The following TBC1D5 variants were observed in gnomAD, a reference collection of about 807,000 sequenced individuals.
TBC1D5 encodes TBC1 domain family member 5.
TBC1D5 carries 75 observed loss-of-function variants against 100.3 expected under a neutral mutation model. The ratio of observed to expected loss-of-function variants is 0.75; its 90% CI spans 0.62 to 0.91. The LOEUF (loss-of-function observed/expected upper bound fraction) is 0.91. Ranked by LOEUF, TBC1D5 falls within the 40% of genes least tolerant of loss-of-function variation. The probability of loss-of-function intolerance (pLI) is 0.00; values close to 1 mark genes in which losing one functional copy is unlikely to be tolerated. For missense variants in TBC1D5, 910 were observed against 942.4 expected (o/e 0.97, Z 0.45); for synonymous variants, 323 against 325.6 (o/e 0.99, Z 0.09).
chr3:17,485,706 GTA>G (rs1384844921), intron 3 of TBC1D5, among the ~76,000 whole-genome samples: 35 of 152,092 alleles, frequency 2.3e-4, no homozygotes, highest in Non-Finnish European at 4.6e-4. Context: ...ATTCCATGAT[GTA>G]TATGTGCCAC....
chr3:17,238,045 TA>T, intron 17 of TBC1D5, 117 bp downstream of exon 17: 5 of 1,403,784 alleles, frequency 3.6e-6, no homozygotes, highest in Non-Finnish European at 3.8e-6. Context: ...ATAACATATT[TA>T]AAAAGTAAGT....
intron 18 of TBC1D5, among the ~76,000 whole-genome samples, chr3:17,199,061 C>T (rs769167074): frequency 3.3e-5 from 5 of 152,146 alleles, no homozygotes; most frequent in Non-Finnish European, 5.9e-5. Context: ...CGCAAGGTTC[C>T]GCATTTAAAC....
At chr3:17,593,357 A>G (rs1430983208) in intron 2 of TBC1D5, among the ~76,000 whole-genome samples, 1 of 152,158 alleles carries the variant, frequency 6.6e-6, no homozygotes, top group Non-Finnish European at 1.5e-5. Flanking sequence ...ACACGGGCTC[A>G]ATAACATGGA....
intron 2 of TBC1D5, chr3:17,586,458 A>C (rs147327449): frequency 6.6e-6 from 1 of 152,142 alleles, no homozygotes; most frequent in Non-Finnish European, 1.5e-5. Context: ...GAGTTCTCCA[A>C]ACACAAGTCT....
intron 1 of TBC1D5, among the ~76,000 whole-genome samples, chr3:17,702,685 C>A (rs2073379102): frequency 6.6e-6 from 1 of 152,172 alleles, no homozygotes; most frequent in Non-Finnish European, 1.5e-5. Flanking sequence ...TCATTGTCAT[C>A]AATATGAACG....
At chr3:17,691,194 G>A (rs980683861) in intron 1 of TBC1D5, among the ~76,000 whole-genome samples, 1 of 152,144 alleles carries the variant, frequency 6.6e-6, no homozygotes, top group Non-Finnish European at 1.5e-5. Flanking sequence ...ACATCCTCAT[G>A]TTAACAGCAA....
intron 3 of TBC1D5, among the ~76,000 whole-genome samples, chr3:17,445,762 G>C (rs546884401): frequency 2.0e-5 from 3 of 152,088 alleles, no homozygotes; most frequent in African/African-American, 7.2e-5. Flanking sequence ...AGGTATGTAC[G>C]TATAGCAAAA....
intron 3 of TBC1D5, among the ~76,000 whole-genome samples, chr3:17,458,949 T>A (rs759513190): frequency 3.3e-5 from 5 of 152,208 alleles, no homozygotes; most frequent in Non-Finnish European, 7.3e-5. Flanking sequence ...AGCAGTTAAC[T>A]AACGCGTAGC....
At chr3:17,326,183 A>G (rs1020800664) in intron 13 of TBC1D5, among the ~76,000 whole-genome samples, 1 of 152,226 alleles carries the variant, frequency 6.6e-6, no homozygotes, top group African/African-American at 2.4e-5. Flanking sequence ...TATTCAAAAT[A>G]CAGATAAAGA....
At chr3:17,582,386 A>G (rs1011197696) in intron 2 of TBC1D5, among the ~76,000 whole-genome samples, 2 of 152,214 alleles carry the variant, frequency 1.3e-5, no homozygotes, top group Non-Finnish European at 1.5e-5. Context: ...TAAAATAGAA[A>G]ATTTTTCTAA....
At chr3:17,214,462 G>A (rs181134323) in intron 17 of TBC1D5, 92 bp from the exon 19 acceptor site, 39 of 1,303,132 alleles carry the variant, frequency 3.0e-5, no homozygotes, top group Middle Eastern at 2.1e-4. Flanking sequence ...GATCAATTAT[G>A]ATGCCACTAG....
chr3:17,409,452 A>C (rs1399812220), intron 4 of TBC1D5, among the ~76,000 whole-genome samples: 1 of 152,172 alleles, frequency 6.6e-6, no homozygotes, highest in African/African-American at 2.4e-5. Context: ...GTTCGAGTGA[A>C]AAGAAGAGTC....
At position 17,684,079 on chromosome 3, in the gene TBC1D5, TTTTC is replaced by T. The variant is rs573693463; in HGVS notation, c.-101+55260_-101+55263del. ...TTCAATACTGGAGAAGGAAGCTTTT[TTTTC>T]TTTCTTTCTTTTTTTTTCAAAAGAA... is the stretch of plus-strand genomic sequence containing the variant. On this transcript the variant is annotated intron_variant, in intron 1 of 21. Transcript: ENST00000253692. 2.4e-4 allele frequency among the ~76,000 whole-genome samples: 36 copies of T among 152,164 alleles called. No homozygotes were observed. In the East Asian group the frequency reaches 4.1e-3, roughly 17 times the overall value.
intron 17 of TBC1D5, among the ~76,000 whole-genome samples, chr3:17,221,532 G>A (rs982281824): frequency 2.6e-5 from 4 of 152,064 alleles, no homozygotes; most frequent in South Asian, 2.1e-4. Context: ...TAGAGAGAAC[G>A]AACTCAAGAA....
intron 1 of TBC1D5, among the ~76,000 whole-genome samples, chr3:17,736,647 G>A (rs1340800805): frequency 2.0e-5 from 3 of 152,136 alleles, no homozygotes; most frequent in African/African-American, 4.8e-5. Flanking sequence ...GAGATGTAAC[G>A]TTAGGAACTC....
intron 19 of TBC1D5, among the ~76,000 whole-genome samples, chr3:17,180,613 T>G (rs2068332510): frequency 6.6e-6 from 1 of 152,174 alleles, no homozygotes; most frequent in Non-Finnish European, 1.5e-5. Flanking sequence ...AATGAAATCA[T>G]GTCTTCTGCA....
At chr3:17,571,246 G>A (rs2096625248) in intron 2 of TBC1D5, among the ~76,000 whole-genome samples, 1 of 151,922 alleles carries the variant, frequency 6.6e-6, no homozygotes, top group Non-Finnish European at 1.5e-5. Context: ...CAAAAACTAA[G>A]CAACTACAAT....
intron 1 of TBC1D5, among the ~76,000 whole-genome samples, chr3:17,680,784 T>C (rs1439471521): frequency 1.3e-5 from 2 of 151,452 alleles, no homozygotes; most frequent in Non-Finnish European, 2.9e-5. Flanking sequence ...ATCACTATTA[T>C]GTAACAGCCT....
At chr3:17,283,863 G>A (rs1324072591) in intron 15 of TBC1D5, among the ~76,000 whole-genome samples, 1 of 152,044 alleles carries the variant, frequency 6.6e-6, no homozygotes, top group African/African-American at 2.4e-5. Flanking sequence ...TGGCTCCAAT[G>A]ATACTGGTCT....
Sources: allele counts gnomAD v4.1 joint callset (sites outside exome capture counted in the v4.1 genomes callset), GRCh38; gene constraint gnomAD v4.1.1; transcripts MANE v1.5; gene names NCBI Gene and HGNC (gene_info 2026-07-23, HGNC 2026-07-21).